Variants in MICAL3 observed in about 807,000 individuals in gnomAD.
MICAL3 encodes the protein [F-actin]-monooxygenase MICAL3.
Under a neutral mutation model 207.4 loss-of-function variants are expected in MICAL3, and 62 were observed. The ratio of observed to expected loss-of-function variants is 0.30; its 90% CI spans 0.24 to 0.37. The LOEUF (loss-of-function observed/expected upper bound fraction) is 0.37. MICAL3 is among the 10% of genes least tolerant of loss of function. The pLI is 1.00. For missense variants in MICAL3, 2,368 were observed against 2,635.6 expected (o/e 0.90, Z 2.22); for synonymous variants, 1,077 against 1,069.3 (o/e 1.01, Z -0.14).
chr22:17,906,489 G>T (rs186773009), intron 2 of MICAL3, 60 bp downstream of exon 2: 1 of 1,611,204 alleles, frequency 6.2e-7, no homozygotes, highest in African/African-American at 1.3e-5. Flanking sequence ...GATGCAAGAC[G>T]TTGTTGAGGG....
At chr22:17,922,651 C>T (rs80079934) in intron 1 of MICAL3, among the ~76,000 whole-genome samples, 3,166 of 152,154 alleles carry the variant, frequency 0.021, 117 homozygotes, top group African/African-American at 0.072. Flanking sequence ...GCAAATGGCT[C>T]GGGACGAAAG....
intron 1 of MICAL3, among the ~76,000 whole-genome samples, chr22:17,908,300 T>C (rs1255831869): frequency 6.6e-6 from 1 of 151,876 alleles, no homozygotes; most frequent in African/African-American, 2.4e-5. Flanking sequence ...ACAGCGCCCC[T>C]AAGACTTTCT....
intron 1 of MICAL3, among the ~76,000 whole-genome samples, chr22:18,000,245 G>A (rs1170602173): frequency 1.5e-4 from 14 of 95,040 alleles, no homozygotes; most frequent in Admixed American, 5.4e-4. Context: ...CAAGCTTAGG[G>A]GGAAAAAAAA....
chr22:17,958,999 C>A lies in MICAL3; in HGVS notation c.-74-52113G>T, dbSNP rs576732479. On this transcript the variant is annotated intron_variant, in intron 1 of 31. Transcript: ENST00000441493. The stretch of plus-strand genomic sequence containing the variant: ...GGGATTACAGGCATAAGCCACTGCG[C>A]CGGGCCTGGGGTTTTTTTTTTTTTT... Among the ~76,000 whole-genome samples, 626 of 147,720 alleles carry A rather than the reference C, an allele frequency of 4.2e-3. 5 individuals are homozygous for A. Among genetic ancestry groups the A allele is most frequent in the African/African-American group, 0.015 (585 of 40,024 alleles).
At chr22:17,791,586 T>C in intron 29 of MICAL3, 1 of 473,658 alleles carries the variant, frequency 2.1e-6, no homozygotes, top group East Asian at 3.9e-5. Flanking sequence ...CTCTGTGTGC[T>C]CTCTTAGGAT....
At chr22:17,916,070 A>AAC (rs1556399705) in intron 1 of MICAL3, among the ~76,000 whole-genome samples, 36 of 150,878 alleles carry the variant, frequency 2.4e-4, no homozygotes, top group African/African-American at 8.3e-4. Flanking sequence ...AAAAAAAAAA[A>AAC]AAAAAAAAAA....
intron 1 of MICAL3, among the ~76,000 whole-genome samples, chr22:17,976,746 A>G (rs1204161116): frequency 8.0e-5 from 12 of 150,182 alleles, no homozygotes; most frequent in African/African-American, 2.9e-4. Flanking sequence ...CAGTCACCAA[A>G]CATAAGTTCT....
chr22:17,948,655 T>G (rs562514523), intron 1 of MICAL3, among the ~76,000 whole-genome samples: 76 of 152,244 alleles, frequency 5.0e-4, no homozygotes, highest in African/African-American at 1.7e-3. Context: ...GCAGTCCTAG[T>G]ACTTTGGGAG....
intron 22 of MICAL3, 27 bp from the exon 23 acceptor site, chr22:17,823,087 G>T (rs996342634): frequency 6.9e-7 from 1 of 1,448,248 alleles, no homozygotes; most frequent in South Asian, 1.1e-5. Context: ...TTCAAAGGAA[G>T]GAAGAAAAGG....
At position 17,961,764 on chromosome 22, in the gene MICAL3, A is replaced by G. The variant is rs1350431857; in HGVS notation, c.-74-54878T>C. On this transcript the variant is annotated intron_variant, in intron 1 of 31. Transcript: ENST00000441493. The stretch of plus-strand genomic sequence containing the variant: ...TCTGGGGCTGGGCCTGCCCTTAGCC[A>G]TTCTAGAGTTAGCGCCCCTTCCAAG... 2.6e-5 allele frequency among the ~76,000 whole-genome samples: 4 copies of G among 152,116 alleles called. No individual in the cohort carries two copies. The East Asian group carries it at 7.7e-4, about 29-fold the overall frequency.
intron 1 of MICAL3, among the ~76,000 whole-genome samples, chr22:17,922,418 G>T (rs1932821841): frequency 6.6e-6 from 1 of 152,274 alleles, no homozygotes; most frequent in South Asian, 2.1e-4. Flanking sequence ...CAATTTAGGG[G>T]GTGTAAGAAG....
At chr22:17,951,741 A>G (rs1934359613) in intron 1 of MICAL3, among the ~76,000 whole-genome samples, 2 of 151,710 alleles carry the variant, frequency 1.3e-5, no homozygotes, top group African/African-American at 4.8e-5. Context: ...CAGGCATCCA[A>G]GCTTGAGTGC....
At chr22:17,929,568 C>CTTTTTTTTTTTTTTTTTTTTTTTTTTTTT (rs67222681) in intron 1 of MICAL3, among the ~76,000 whole-genome samples, 1 of 108,902 alleles carries the variant, frequency 9.2e-6, no homozygotes, top group Non-Finnish European at 1.8e-5. Flanking sequence ...CTTTTCTTTT[C>CTTTTTTTTTTTTTTTTTTTTTTTTTTTTT]TTTTTTTTTT....
intron 19 of MICAL3, among the ~76,000 whole-genome samples, chr22:17,846,390 G>A (rs967249772): frequency 7.3e-6 from 1 of 137,332 alleles, no homozygotes; most frequent in Admixed American, 6.9e-5. Flanking sequence ...AAATACCATG[G>A]GAAATTAAAA....
At chr22:17,987,711 T>G (rs1157576023) in intron 1 of MICAL3, among the ~76,000 whole-genome samples, 1 of 152,242 alleles carries the variant, frequency 6.6e-6, no homozygotes, top group Non-Finnish European at 1.5e-5. Flanking sequence ...CACTGTCCTG[T>G]GGTGTGGACA....
intron 1 of MICAL3, among the ~76,000 whole-genome samples, chr22:18,022,314 A>T (rs1340348624): frequency 6.6e-5 from 10 of 152,200 alleles, no homozygotes; most frequent in Non-Finnish European, 4.4e-5. Context: ...GGGACTCGCC[A>T]TGTGGAAGGA....
chr22:17,877,321 TTAG>T (rs1928784024), intron 16 of MICAL3, among the ~76,000 whole-genome samples: 1 of 124,842 alleles, frequency 8.0e-6, no homozygotes, highest in Non-Finnish European at 1.6e-5. Context: ...GTTAGGGAGG[TTAG>T]GGAGGTTATG....
intron 24 of MICAL3, 32 bp from the exon 25 acceptor site, chr22:17,821,541 G>A: frequency 1.3e-6 from 2 of 1,520,696 alleles, no homozygotes; most frequent in Non-Finnish European, 1.8e-6. Context: ...ACTTACAAGA[G>A]GAAGCCCCCC....
chr22:17,820,250 G>T (rs934818874), intron 25 of MICAL3, among the ~76,000 whole-genome samples: 4 of 152,008 alleles, frequency 2.6e-5, no homozygotes, highest in African/African-American at 9.7e-5. Context: ...GATCTGACCT[G>T]CAGACAGTAT....
Sources: gnomAD v4.1 joint callset for allele counts (sites outside exome capture counted in the v4.1 genomes callset) on GRCh38, gnomAD v4.1.1 for gene constraint, MANE v1.5 for transcripts, NCBI Gene and HGNC (gene_info 2026-07-23, HGNC 2026-07-21) for gene names.